Variants in SLF1 observed in about 807,000 individuals in gnomAD.
The protein encoded by SLF1 is SMC5/6 complex localization factor 1, also known as SMC5-SMC6 complex localization factor protein 1.
SLF1 carries 105 observed loss-of-function variants against 123.0 expected under a neutral mutation model. The observed-to-expected ratio is 0.85, with a 90% CI of 0.73 to 1.00. SLF1 has a LOEUF of 1.00. Among genes scored for constraint, SLF1 ranks in the 50% least tolerant of loss-of-function variants. The pLI is 0.00. For synonymous variants in SLF1, 434 were observed against 406.6 expected (o/e 1.07, Z -0.81); for missense variants, 1,239 against 1,223.0 (o/e 1.01, Z -0.20).
At position 94,686,739 on chromosome 5, in the gene SLF1, G is replaced by T. The variant is rs188603211; in HGVS notation, c.2121+21G>T. ...AAATGGTAAGTACCTCTCTATTCTG[G>T]TTCTTTACATTTTCAAGAAGTGAGT... is the stretch of plus-strand genomic sequence containing the variant. On this transcript the variant is annotated intron_variant, in intron 16 of 20. Transcript: ENST00000265140. 1.4e-4 allele frequency: 219 copies of T among 1,582,800 alleles called. 1 individual carries two copies. The East Asian group carries it at 3.4e-3, about 25-fold the overall frequency.
chr5:94,628,693 T>G, intron 1 of SLF1, 118 bp from the exon 2 acceptor site: 2 of 548,638 alleles, frequency 3.6e-6, no homozygotes, highest in Admixed American at 7.7e-5. Context: ...CCTAACATCT[T>G]TAATTCATTG....
rs556095105 is a variant in SLF1, at chr5:94,647,163, C to T, written c.595-2291C>T. On this transcript the variant is annotated intron_variant, in intron 5 of 20. Coordinates refer to ENST00000265140, the MANE Select transcript of SLF1 (RefSeq NM_032290.4). The stretch of plus-strand genomic sequence containing the variant: ...CCCATTTTGAGTATTATTAGATTTC[C>T]AGTCTCTTTGTAGGTAGTTAAAAAA... Among the ~76,000 whole-genome samples, 36 of 152,194 alleles carry T rather than the reference C, an allele frequency of 2.4e-4. 1 individual carries two copies. Among genetic ancestry groups the T allele is most frequent in the Admixed American group, 1.9e-3 (29 of 15,282 alleles).
intron 7 of SLF1, 94 bp downstream of exon 7, chr5:94,651,939 G>A (rs1354786336): frequency 1.7e-6 from 1 of 574,418 alleles, no homozygotes; most frequent in Non-Finnish European, 2.6e-6. Flanking sequence ...ATAAAAATGA[G>A]TTATGTATCC....
At chr5:94,676,833 T>C (rs920029896) in intron 14 of SLF1, among the ~76,000 whole-genome samples, 2 of 152,216 alleles carry the variant, frequency 1.3e-5, no homozygotes, top group African/African-American at 4.8e-5. Flanking sequence ...AATTAAACTT[T>C]GGTTTTGAAA....
At chr5:94,670,754 G>T (rs1750345277) in intron 13 of SLF1, 89 bp from the exon 14 acceptor site, 3 of 907,968 alleles carry the variant, frequency 3.3e-6, no homozygotes, top group Non-Finnish European at 3.3e-6. Context: ...TTCAAAAATT[G>T]CTAGCATTTT....
intron 4 of SLF1, among the ~76,000 whole-genome samples, chr5:94,640,664 C>CT (rs200799288): frequency 2.6e-5 from 4 of 151,584 alleles, no homozygotes; most frequent in Non-Finnish European, 5.9e-5. Flanking sequence ...ATGCTTTGTT[C>CT]TTTTTTTAAA....
At chr5:94,676,629 T>TGA (rs1751097294) in intron 14 of SLF1, among the ~76,000 whole-genome samples, 2 of 152,104 alleles carry the variant, frequency 1.3e-5, no homozygotes, top group East Asian at 3.9e-4. Context: ...GCCCCACACT[T>TGA]GAGGGTCTCT....
In SLF1 at chr5:94,686,639, T is replaced by C. The variant is rs765638640; in HGVS notation, c.2042T>C (p.Val681Ala). The stretch of plus-strand genomic sequence containing the variant: ...TCCTCCTCCTGGCTTCAAATGTTTG[T>C]TGCAGAGGCAGTCTTTAAAAAGTTG... Reference protein sequence around the residue: ...SFSSSWLQMFVAEAVFKKLCL... With the variant: ...SFSSSWLQMFAAEAVFKKLCL... The change falls in exon 16 of 21, where the codon GTT (valine) becomes GCT (alanine). Residue 681 changes from valine to alanine, a missense_variant. Val to Ala is a moderately conservative substitution (Grantham distance 64, BLOSUM62 0). Coordinates refer to ENST00000265140, the MANE Select transcript of SLF1 (RefSeq NM_032290.4). 13 of 1,614,130 alleles carry C rather than the reference T, an allele frequency of 8.1e-6. No homozygotes were observed. In the Admixed American group the frequency reaches 2.2e-4, roughly 27 times the overall value.
intron 5 of SLF1, 130 bp downstream of exon 5, chr5:94,643,565 A>G (rs890936325): frequency 7.7e-6 from 5 of 652,676 alleles, no homozygotes; most frequent in Non-Finnish European, 1.2e-5. Context: ...TTTAAATGAC[A>G]CTTTTTAAAG....
At chr5:94,691,456 AAATAAATTTCTGGC>A (rs1753046115) in intron 18 of SLF1, 94 bp from the exon 19 acceptor site, 6 of 628,962 alleles carry the variant, frequency 9.5e-6, no homozygotes, top group African/African-American at 4.2e-5. Flanking sequence ...AGAACTCAAT[AAATAAATTTCTGGC>A]ATGGGGCCAG....
At chr5:94,666,081 T>G in intron 12 of SLF1, 57 bp downstream of exon 12, 1 of 1,410,774 alleles carries the variant, frequency 7.1e-7, no homozygotes, top group Non-Finnish European at 9.4e-7. Flanking sequence ...TTATGCTAAT[T>G]ATTTTTTTAA....
Position 94,668,176 on chromosome 5 carries a change from T to C in SLF1, c.1533-1975T>C, listed in dbSNP as rs1344733278. ...CTCTTCTTTCCTTTTCAAATCTCACTGTCACCAAGGACAGTGTGCAGTGGC... is the reference window on the plus strand; with the variant it reads ...CTCTTCTTTCCTTTTCAAATCTCACCGTCACCAAGGACAGTGTGCAGTGGC... On this transcript the variant is annotated intron_variant, in intron 12 of 20. Transcript: ENST00000265140. Among the ~76,000 whole-genome samples the C allele has an allele frequency of 2.0e-5, 3 of 152,006 alleles. No homozygotes were observed. In the East Asian group the frequency reaches 5.8e-4, roughly 29 times the overall value.
intron 15 of SLF1, 74 bp from the exon 16 acceptor site, chr5:94,686,499 C>T (rs1752445742): frequency 4.7e-6 from 7 of 1,499,518 alleles, no homozygotes; most frequent in South Asian, 3.6e-5. Flanking sequence ...ATAAACTTCA[C>T]TAAGGAAATA....
At chr5:94,690,864 A>G (rs949851583) in intron 18 of SLF1, among the ~76,000 whole-genome samples, 1 of 148,678 alleles carries the variant, frequency 6.7e-6, no homozygotes, top group Non-Finnish European at 1.5e-5. Flanking sequence ...TGTCATTTCT[A>G]TTTGTTACTC....
chr5:94,688,605 C>T lies in SLF1; in HGVS notation c.2221C>T (p.Gln741Ter), dbSNP rs2152498119. 1.9e-6 allele frequency: 3 copies of T among 1,614,090 alleles called. No individual in the cohort carries two copies. Among genetic ancestry groups the T allele is most frequent in the Non-Finnish European group, 2.5e-6 (3 of 1,179,966 alleles). Residue 741 changes from glutamine to a stop codon, truncating the protein, a stop_gained, in exon 17 of 21, where the codon CAG becomes TAG. Transcript: ENST00000265140. LOFTEE classifies it high-confidence loss of function. ...AGGACAGCGGCCTTGTTTTGACTCT[C>T]AGAGAACCTTACTAATGCTGAATGG... The part of the protein sequence containing the change: ...KIGQRPCFDS[Q>*]RTLLMLNGTK...
chr5:94,662,297 G>C lies in SLF1; in HGVS notation c.1156-1G>C, dbSNP rs1749213698. ...TTAATTATATGGTTGCTCTTTTGTA[G>C]GCTGTCAGATACAACTGCATTAGAA... is the stretch of plus-strand genomic sequence containing the variant. On this transcript the variant is annotated splice_acceptor_variant, in intron 9 of 20. Coordinates refer to ENST00000265140, the MANE Select transcript of SLF1 (RefSeq NM_032290.4). LOFTEE classifies it high-confidence loss of function. 3.9e-6 allele frequency: 6 copies of C among 1,546,986 alleles called. No homozygotes were observed. The highest frequency in any genetic ancestry group is 5.2e-6 in the Non-Finnish European group (6 of 1,144,542).
At chr5:94,626,494 A>G (rs1173669531) in intron 1 of SLF1, among the ~76,000 whole-genome samples, 2 of 152,118 alleles carry the variant, frequency 1.3e-5, no homozygotes, top group Non-Finnish European at 2.9e-5. Context: ...TATGTTCTGT[A>G]TCTGAGTTTT....
intron 15 of SLF1, among the ~76,000 whole-genome samples, chr5:94,679,289 A>G (rs575067236): frequency 5.9e-5 from 9 of 152,204 alleles, no homozygotes; most frequent in African/African-American, 2.2e-4. Context: ...ACATACATTT[A>G]TTATTCAAAT....
chr5:94,653,331 C>CA lies in SLF1; in HGVS notation c.944dup (p.Lys316GlufsTer12). Reference sequence around the variant, plus strand: ...GGAGTTATACTTTGAGGAGAAAACGCAAGAAAGGAAAAGAAAGCAATTGCA... The same window carrying CA: ...GGAGTTATACTTTGAGGAGAAAACGCAAAGAAAGGAAAAGAAAGCAATTGCA... On this transcript the variant is annotated frameshift_variant, in exon 8 of 21. Transcript: ENST00000265140. LOFTEE classifies it high-confidence loss of function. The CA allele has an allele frequency of 6.6e-7, 1 of 1,521,312 alleles. No homozygotes were observed. Among genetic ancestry groups the CA allele is most frequent in the South Asian group, 1.3e-5 (1 of 78,524 alleles). The allele number at this position is 1,521,312 out of a possible 1,614,324, so 94.2% of individuals were successfully genotyped here.
Sources: allele counts gnomAD v4.1 joint callset (sites outside exome capture counted in the v4.1 genomes callset), GRCh38; gene constraint gnomAD v4.1.1; transcripts MANE v1.5; gene names NCBI Gene and HGNC (gene_info 2026-07-23, HGNC 2026-07-21).